The following EYS variants were observed in gnomAD, a reference collection of about 807,000 sequenced individuals.
EYS encodes the protein EGF-like photoreceptor maintenance factor.
Under a neutral mutation model 282.1 loss-of-function variants are expected in EYS, and 250 were observed. The ratio of observed to expected loss-of-function variants is 0.89; its 90% CI spans 0.80 to 0.98. EYS has a LOEUF of 0.98. Among genes scored for constraint, EYS ranks in the 50% least tolerant of loss-of-function variants. The pLI is 0.00. For missense variants in EYS, 4,016 were observed against 3,709.0 expected (o/e 1.08, Z -2.15); for synonymous variants, 1,355 against 1,282.9 (o/e 1.06, Z -1.20).
intron 2 of EYS, among the ~76,000 whole-genome samples, chr6:65,606,061 TAC>T (rs1411662573): frequency 4.0e-5 from 6 of 151,612 alleles, no homozygotes; most frequent in Non-Finnish European, 5.9e-5. Flanking sequence ...ACTGAGTTCT[TAC>T]AGTTAAAAAC....
At chr6:64,421,115 G>C (rs1774217816) in intron 28 of EYS, among the ~76,000 whole-genome samples, 1 of 152,130 alleles carries the variant, frequency 6.6e-6, no homozygotes. Flanking sequence ...ATAAATGAAA[G>C]AGGTTTAATT....
At chr6:64,997,878 C>T (rs1297339745) in intron 13 of EYS, among the ~76,000 whole-genome samples, 175 bp from the exon 14 acceptor site, 1 of 151,968 alleles carries the variant, frequency 6.6e-6, no homozygotes, top group African/African-American at 2.4e-5. Context: ...AAATAACCAT[C>T]TTATTCAGTT....
intron 26 of EYS, among the ~76,000 whole-genome samples, chr6:64,481,329 A>G (rs1446303214): frequency 6.7e-6 from 1 of 149,286 alleles, no homozygotes; most frequent in Non-Finnish European, 1.5e-5. Flanking sequence ...CATTTTCAGA[A>G]TGATAAAATA....
Position 64,047,977 on chromosome 6 carries a change from C to T in EYS, c.6725+18361G>A, listed in dbSNP as rs1000690095. Reference sequence around the variant, plus strand: ...CTGGAGTGCAGTGGTGCGATCTTGGCTCACTGCAACCTCTGCCTCCCAGGT... The same window carrying T: ...CTGGAGTGCAGTGGTGCGATCTTGGTTCACTGCAACCTCTGCCTCCCAGGT... On this transcript the variant is annotated intron_variant, in intron 33 of 42. Coordinates refer to ENST00000503581, the MANE Select transcript of EYS (RefSeq NM_001142800.2). 5.9e-5 allele frequency among the ~76,000 whole-genome samples: 9 copies of T among 152,272 alleles called. 1 individual carries two copies. The South Asian group carries it at 1.9e-3, about 32-fold the overall frequency.
chr6:63,908,069 T>C (rs1398853309), intron 35 of EYS, among the ~76,000 whole-genome samples: 2 of 148,224 alleles, frequency 1.3e-5, no homozygotes, highest in Non-Finnish European at 3.0e-5. Flanking sequence ...TGTGTGTAAA[T>C]ATATCTGTCT....
At chr6:63,965,898 G>A (rs564131067) in intron 35 of EYS, among the ~76,000 whole-genome samples, 37 of 152,246 alleles carry the variant, frequency 2.4e-4, no homozygotes, top group African/African-American at 8.7e-4. Context: ...TCAAATTGTC[G>A]AAAGAATATG....
At chr6:64,505,565 G>T (rs9345178) in intron 26 of EYS, among the ~76,000 whole-genome samples, 63,014 of 151,946 alleles carry the variant, frequency 0.41, 13,613 homozygotes, top group African/African-American at 0.56. Context: ...TTTGGAAGAC[G>T]GCAATGGCAA....
intron 22 of EYS, among the ~76,000 whole-genome samples, chr6:64,711,330 A>C (rs902276340): frequency 1.3e-5 from 2 of 152,098 alleles, no homozygotes; most frequent in Non-Finnish European, 2.9e-5. Context: ...TGTGTTTTAA[A>C]CTCCCTGTTT....
chr6:63,794,402 T>C (rs1336224420), intron 37 of EYS, among the ~76,000 whole-genome samples: 3 of 152,220 alleles, frequency 2.0e-5, no homozygotes, highest in Non-Finnish European at 4.4e-5. Flanking sequence ...TTGTTTGTTT[T>C]TGCTATAGCC....
At chr6:65,520,246 GAT>G (rs947321976) in intron 2 of EYS, among the ~76,000 whole-genome samples, 7 of 152,118 alleles carry the variant, frequency 4.6e-5, no homozygotes, top group South Asian at 2.1e-4. Context: ...TGTACTTTTT[GAT>G]ATCAGATAAG....
chr6:65,231,577 T>C (rs962347492), intron 12 of EYS, among the ~76,000 whole-genome samples: 1 of 151,696 alleles, frequency 6.6e-6, no homozygotes, highest in African/African-American at 2.4e-5. Context: ...TGACCATAAA[T>C]ACACAAATGG....
chr6:64,985,162 G>A (rs1171134175), intron 14 of EYS, among the ~76,000 whole-genome samples: 1 of 151,518 alleles, frequency 6.6e-6, no homozygotes, highest in African/African-American at 2.4e-5. Context: ...GAAAACAAAA[G>A]CAGATGCCAC....
chr6:65,153,681 G>A (rs1764669673), intron 12 of EYS, among the ~76,000 whole-genome samples: 1 of 151,678 alleles, frequency 6.6e-6, no homozygotes, highest in South Asian at 2.1e-4. Flanking sequence ...ACTGACAAGT[G>A]ACAAGGGTGA....
chr6:64,730,261 A>G (rs544684857), intron 22 of EYS, among the ~76,000 whole-genome samples: 85 of 152,304 alleles, frequency 5.6e-4, no homozygotes, highest in African/African-American at 1.8e-3. Context: ...AAAGTGAAAG[A>G]GAGGAAACAA....
At chr6:64,073,653 T>C (rs1243641819) in intron 32 of EYS, among the ~76,000 whole-genome samples, 1 of 151,850 alleles carries the variant, frequency 6.6e-6, no homozygotes, top group East Asian at 1.9e-4. Flanking sequence ...GATAAATGTA[T>C]GTATTTTTAC....
Position 65,193,491 on chromosome 6 carries a change from T to C in EYS, c.2023+102372A>G, listed in dbSNP as rs558359152. Among the ~76,000 whole-genome samples, 5 of 151,950 alleles carry C rather than the reference T, an allele frequency of 3.3e-5. No individual in the cohort carries two copies. The East Asian group carries it at 9.8e-4, about 30-fold the overall frequency. ...GGCCAGAGAAAGATAAATGGAATCATGGAGTATAAGTGATGATGCCATTTT... is the reference window on the plus strand; with the variant it reads ...GGCCAGAGAAAGATAAATGGAATCACGGAGTATAAGTGATGATGCCATTTT... On this transcript the variant is annotated intron_variant, in intron 12 of 42. Coordinates refer to ENST00000503581, the MANE Select transcript of EYS (RefSeq NM_001142800.2).
chr6:65,405,503 G>T (rs970793164), intron 5 of EYS, 136 bp from the exon 6 acceptor site: 42 of 710,120 alleles, frequency 5.9e-5, no homozygotes, highest in Non-Finnish European at 9.6e-5. Context: ...ATGTATTGCA[G>T]TGTAAGTTAT....
chr6:65,622,932 A>G (rs566873760), intron 2 of EYS, among the ~76,000 whole-genome samples: 1 of 152,026 alleles, frequency 6.6e-6, no homozygotes, highest in African/African-American at 2.4e-5. Context: ...TAATTTTCAA[A>G]TTATTCGTAC....
At chr6:64,506,908 T>TTAAAAAAAAAA (rs763300867) in intron 26 of EYS, among the ~76,000 whole-genome samples, 1 of 97,824 alleles carries the variant, frequency 1.0e-5, no homozygotes, top group Non-Finnish European at 1.8e-5. Flanking sequence ...GGCTGTGTCT[T>TTAAAAAAAAAA]AAAAAAAAAA....
Sources: gnomAD v4.1 joint callset for allele counts (sites outside exome capture counted in the v4.1 genomes callset) on GRCh38, gnomAD v4.1.1 for gene constraint, MANE v1.5 for transcripts, NCBI Gene and HGNC (gene_info 2026-07-23, HGNC 2026-07-21) for gene names.